The following PTPRE variants were observed in gnomAD, a reference collection of about 807,000 sequenced individuals.
PTPRE encodes the protein protein tyrosine phosphatase receptor type E, also known as receptor-type tyrosine-protein phosphatase epsilon.
Under a neutral mutation model 102.0 loss-of-function variants are expected in PTPRE, and 51 were observed. The observed-to-expected ratio is 0.50, with a 90% CI of 0.40 to 0.63. PTPRE has a LOEUF of 0.63. PTPRE is among the 30% of genes least tolerant of loss of function. The pLI is 0.00. For missense variants in PTPRE, 752 were observed against 915.1 expected, an observed-to-expected ratio of 0.82 and a Z score of 2.30; for synonymous variants, 345 against 348.2, an observed-to-expected ratio of 0.99 and a Z score of 0.10.
chr10:127,921,261 G>A (rs1000707416), intron 1 of PTPRE, among the ~76,000 whole-genome samples: 6 of 152,254 alleles, frequency 3.9e-5, no homozygotes, highest in African/African-American at 1.2e-4. Flanking sequence ...GCAAAACCAG[G>A]TGAGGGCAGC....
intron 2 of PTPRE, chr10:127,999,043 A>C (rs1853589858): frequency 6.6e-6 from 1 of 152,182 alleles, no homozygotes; most frequent in Non-Finnish European, 1.5e-5. Context: ...ATCGTGCCTG[A>C]AATAGCATTG....
chr10:128,002,462 A>G (rs1854022522), intron 2 of PTPRE, among the ~76,000 whole-genome samples: 1 of 152,104 alleles, frequency 6.6e-6, no homozygotes. Flanking sequence ...CCTACCAATC[A>G]GAACAGGTGC....
At chr10:128,019,977 CAT>C (rs1845735613) in intron 2 of PTPRE, among the ~76,000 whole-genome samples, 1 of 151,998 alleles carries the variant, frequency 6.6e-6, no homozygotes, top group African/African-American at 2.4e-5. Context: ...GGTTGGTCGA[CAT>C]GTGTTCCTTG....
chr10:127,995,703 G>A (rs755448547), intron 2 of PTPRE, among the ~76,000 whole-genome samples: 2 of 152,196 alleles, frequency 1.3e-5, no homozygotes, highest in Non-Finnish European at 2.9e-5. Context: ...GCTAAAGCAA[G>A]CATTGCTTGC....
intron 2 of PTPRE, among the ~76,000 whole-genome samples, chr10:127,986,174 G>A (rs1409136049): frequency 6.6e-6 from 1 of 152,158 alleles, no homozygotes; most frequent in Non-Finnish European, 1.5e-5. Flanking sequence ...TCTCTTGAGT[G>A]GAGTCACCCA....
Position 128,070,882 on chromosome 10 carries a change from G to A in PTPRE, c.1368G>A (p.Arg456=), listed in dbSNP as rs767027023. ...TGCCGGCAAACATGAAGAAGGCCAG[G>A]GTCATCCAGATCATCCCGTGTAAGG... ...GNLPANMKKA[R]VIQIIPYDFN... is the part of the protein sequence containing the mutation. Residue 456 remains arginine, a synonymous_variant, in exon 15 of 21, where the codon AGG becomes AGA. Transcript: ENST00000254667. This position sits in a 1 kb window ranked among gnomAD's most constrained non-coding sequence, Gnocchi z 4.8. 7.4e-6 allele frequency: 12 copies of A among 1,613,916 alleles called. No individual in the cohort carries two copies. The highest frequency in any genetic ancestry group is 5.3e-5 in the African/African-American group (4 of 74,936).
At position 128,079,621 on chromosome 10, in the gene PTPRE, G is replaced by A. The variant is rs765453483; in HGVS notation, c.1954G>A (p.Ala652Thr). The A allele has an allele frequency of 6.2e-7, 1 of 1,614,028 alleles. No homozygotes were observed. Among genetic ancestry groups the A allele is most frequent in the African/African-American group, 1.3e-5 (1 of 74,942 alleles). The change falls in exon 20 of 21, where the codon GCC (alanine) becomes ACC (threonine). Residue 652 changes from alanine (A) to threonine (T), a missense_variant. Ala to Thr is a moderately conservative substitution (Grantham distance 58). Coordinates refer to ENST00000254667, the MANE Select transcript of PTPRE (RefSeq NM_006504.6). The stretch of plus-strand genomic sequence containing the variant: ...CAGCAACATTTTGGAGCGAGTAAAA[G>A]CCGAGGGACTTTTAGATGTATTTCA... ...ALSNILERVK[A>T]EGLLDVFQAV...
intron 2 of PTPRE, among the ~76,000 whole-genome samples, chr10:128,014,811 A>T (rs1447697979): frequency 6.6e-6 from 1 of 152,040 alleles, no homozygotes; most frequent in Non-Finnish European, 1.5e-5. Context: ...AGCCACTATA[A>T]ACCCAAACCC....
intron 2 of PTPRE, among the ~76,000 whole-genome samples, chr10:128,036,811 G>C (rs1342575972): frequency 6.6e-6 from 1 of 151,894 alleles, no homozygotes; most frequent in Non-Finnish European, 1.5e-5. Context: ...TTAATGAGCA[G>C]AGGAACCACC....
rs535942132 is a variant in PTPRE at position 128,052,910 on chromosome 10, T to C, written c.421-3213T>C. Among the ~76,000 whole-genome samples the C allele has an allele frequency of 2.6e-5, 4 of 152,188 alleles. No homozygotes were observed. The East Asian group carries it at 7.7e-4, about 29-fold the overall frequency. On this transcript the variant is annotated intron_variant, in intron 6 of 20. Coordinates refer to ENST00000254667, the MANE Select transcript of PTPRE (RefSeq NM_006504.6). ...CACTCTCCTGCTGCCTGCCCGACACTACCGAGCGGAGAGAGAAAGGAACGT... is the reference window on the plus strand; with the variant it reads ...CACTCTCCTGCTGCCTGCCCGACACCACCGAGCGGAGAGAGAAAGGAACGT...
At chr10:128,031,431 A>G (rs538847755) in intron 2 of PTPRE, among the ~76,000 whole-genome samples, 9 of 152,224 alleles carry the variant, frequency 5.9e-5, no homozygotes, top group Admixed American at 5.9e-4. Context: ...AACATTCCCA[A>G]CACTTCCATT....
chr10:128,074,557 T>C (rs1482591876), intron 17 of PTPRE, among the ~76,000 whole-genome samples: 3 of 152,112 alleles, frequency 2.0e-5, no homozygotes, highest in African/African-American at 4.8e-5. Context: ...TCCCAGCTAC[T>C]TGGGAGGCTG....
intron 1 of PTPRE, among the ~76,000 whole-genome samples, chr10:127,969,411 T>C (rs1007933804): frequency 6.6e-6 from 1 of 152,164 alleles, no homozygotes; most frequent in Non-Finnish European, 1.5e-5. Flanking sequence ...CTCAGGTTTA[T>C]AATCCCAGCA....
intron 1 of PTPRE, among the ~76,000 whole-genome samples, chr10:127,963,214 C>T (rs1383543087): frequency 6.6e-6 from 1 of 152,098 alleles, no homozygotes; most frequent in Non-Finnish European, 1.5e-5. Flanking sequence ...GGGCCTGCAA[C>T]TGTATGGACC....
chr10:128,042,705 G>C (rs1419847190), intron 3 of PTPRE, among the ~76,000 whole-genome samples: 3 of 152,214 alleles, frequency 2.0e-5, no homozygotes, highest in Non-Finnish European at 1.5e-5. Context: ...CGTTTCCACA[G>C]TGTGCCAAAA....
In PTPRE at chr10:128,070,805, C is replaced by T; in HGVS notation, c.1294-3C>T. On this transcript the variant is annotated splice_region_variant and splice_polypyrimidine_tract_variant and intron_variant, in intron 14 of 20. Coordinates refer to ENST00000254667, the MANE Select transcript of PTPRE (RefSeq NM_006504.6). The surrounding 1 kb of genome is among the most constrained non-coding windows in gnomAD (Gnocchi z 4.8). ...TGTGTCATTATATCCTTCTCTGCTG[C>T]AGAAATTGACAAATGTCCGGATCAT... is the stretch of plus-strand genomic sequence containing the variant. 3 of 1,612,766 alleles carry T rather than the reference C, an allele frequency of 1.9e-6. No homozygotes were observed. Among genetic ancestry groups the T allele is most frequent in the Non-Finnish European group, 2.5e-6 (3 of 1,178,766 alleles).
intron 9 of PTPRE, 116 bp downstream of exon 9, chr10:128,061,831 A>C: frequency 7.9e-7 from 1 of 1,265,258 alleles, no homozygotes; most frequent in South Asian, 1.6e-5. Flanking sequence ...GTGTGTTTAC[A>C]CCTAACAGAC....
rs772164175 is a variant in PTPRE at position 128,047,818 on chromosome 10, C to A, written c.264C>A (p.Asn88Lys). ...GCACCAGCGACAAGAAGATGCCCAA[C>A]GGAATCTTGGAGGAGCAAGGTACAG... is the stretch of plus-strand genomic sequence containing the variant. ...VVSTSDKKMP[N>K]GILEEQEQQR... Residue 88 changes from asparagine to lysine, a missense_variant, in exon 5 of 21, where the codon AAC (asparagine) becomes AAA (lysine). By Grantham distance (94) the Asn-to-Lys change is moderately conservative. This residue lies in a region of PTPRE where 636 missense variants were observed against 824.4 expected (regional missense o/e 0.77). Transcript: ENST00000254667. 20 of 1,602,722 alleles carry A rather than the reference C, an allele frequency of 1.2e-5. No homozygotes were observed. The South Asian group carries it at 2.2e-4, about 18-fold the overall frequency.
At chr10:128,062,400 C>A (rs754016488) in intron 9 of PTPRE, among the ~76,000 whole-genome samples, 7 of 152,248 alleles carry the variant, frequency 4.6e-5, no homozygotes, top group Admixed American at 1.3e-4. Flanking sequence ...AGCTGGAAAC[C>A]TCAGGAAACC....
Sources: allele counts gnomAD v4.1 joint callset (sites outside exome capture counted in the v4.1 genomes callset), GRCh38; gene constraint gnomAD v4.1.1; regional missense constraint gnomAD v4.1.1; non-coding constraint Gnocchi (gnomAD v3.1); transcripts MANE v1.5; gene names NCBI Gene and HGNC (gene_info 2026-07-23, HGNC 2026-07-21).